The following GJC2 variants were observed in gnomAD, a reference collection of about 807,000 sequenced individuals.
GJC2 encodes gap junction gamma-2 protein.
For missense variants in GJC2, 647 were observed against 648.9 expected (o/e 1.00, Z 0.03); for synonymous variants, 336 against 307.5 (o/e 1.09, Z -0.97).
Position 228,157,740 on chromosome 1 carries a change from GAC to G in GJC2, c.-18_-17del. The G allele has an allele frequency of 2.6e-5, 17 of 662,258 alleles. No homozygotes were observed. Among genetic ancestry groups the G allele is most frequent in the Non-Finnish European group, 2.9e-5 (11 of 378,506 alleles). 41.0% of individuals were successfully genotyped at this position (662,258 alleles called of 1,614,324 possible). A position where few individuals can be genotyped will look rare whatever the true frequency, so the allele number is the denominator to read the frequency against. On this transcript the variant is annotated splice_region_variant and 5_prime_UTR_variant, in exon 2 of 2. Transcript: ENST00000366714. ...GGCTGACCCCTACCCCGCCCCACAG[GAC>G]CCGCCCGCCCGCCCCTATGACCAAC...
chr1:228,151,416 TG>T lies in GJC2; in HGVS notation c.-20+1413del, dbSNP rs745336373. 4.0e-5 allele frequency among the ~76,000 whole-genome samples: 6 copies of T among 151,802 alleles called. No individual in the cohort carries two copies. The highest frequency in any genetic ancestry group is 8.8e-5 in the Non-Finnish European group (6 of 67,914). On this transcript the variant is annotated intron_variant, in intron 1 of 1. Coordinates refer to ENST00000366714, the MANE Select transcript of GJC2 (RefSeq NM_020435.4). This position sits in a 1 kb window ranked among gnomAD's most constrained non-coding sequence, Gnocchi z 5.4. ...GGGAGCCACCATGTGGGCAGGCACT[TG>T]GGGTCTTGGTGGGGGCACCTTGCTT...
Position 228,150,199 on chromosome 1 carries a change from G to T in GJC2, c.-20+192G>T, listed in dbSNP as rs2034595456. 6.6e-6 allele frequency among the ~76,000 whole-genome samples: 1 copy of T among 152,178 alleles called. No individual in the cohort carries two copies. Among genetic ancestry groups the T allele is most frequent in the Non-Finnish European group, 1.5e-5 (1 of 68,018 alleles). On this transcript the variant is annotated intron_variant, in intron 1 of 1. Coordinates refer to ENST00000366714, the MANE Select transcript of GJC2 (RefSeq NM_020435.4). The surrounding 1 kb of genome is among the most constrained non-coding windows in gnomAD (Gnocchi z 4.6). ...TCCGCTGCTCCACGCAGATGGTGGG[G>T]TGGCCCCCCCACTCCATGTCTGTGT...
At position 228,159,114 on chromosome 1, in the gene GJC2, G is replaced by A; in HGVS notation, c.*36G>A. On this transcript the variant is annotated 3_prime_UTR_variant, in exon 2 of 2. Transcript: ENST00000366714. The surrounding 1 kb of genome is among the most constrained non-coding windows in gnomAD (Gnocchi z 4.0). ...TTGCGAGCTGGGCCAGGGAGGAGGA[G>A]GGTTGGGGGGCTCCGGTGGAAACCT... is the stretch of plus-strand genomic sequence containing the variant. The A allele has an allele frequency of 6.2e-7, 1 of 1,605,418 alleles. No homozygotes were observed. The highest frequency in any genetic ancestry group is 8.5e-7 in the Non-Finnish European group (1 of 1,175,978).
rs926484786 is a variant in GJC2 at position 228,158,145 on chromosome 1, G to A, written c.387G>A (p.Pro129=). The A allele has an allele frequency of 1.5e-6, 2 of 1,301,910 alleles. No homozygotes were observed. The highest frequency in any genetic ancestry group is 1.9e-6 in the Non-Finnish European group (2 of 1,027,504). The allele number at this position is 1,301,910 out of a possible 1,614,324, so 80.6% of individuals were successfully genotyped here. A position where few individuals can be genotyped will look rare whatever the true frequency, so the allele number is the denominator to read the frequency against. The change falls in exon 2 of 2, where the codon CCG becomes CCA. Residue 129 remains proline (P), a synonymous_variant. Coordinates refer to ENST00000366714, the MANE Select transcript of GJC2 (RefSeq NM_020435.4). This position sits in a 1 kb window ranked among gnomAD's most constrained non-coding sequence, Gnocchi z 8.3. ...GCCGCGCGCCCCGAGCGCACCTGCC[G>A]CCCCCGCACGCCGGCTGGCCTGAGC... ...GPRRAPRAHL[P]PPHAGWPEPA...
intron 1 of GJC2, among the ~76,000 whole-genome samples, chr1:228,155,792 G>A (rs954564803): frequency 6.6e-6 from 1 of 152,200 alleles, no homozygotes; most frequent in Admixed American, 6.5e-5. Flanking sequence ...AGCCAATGGC[G>A]CCGTTTCCTC....
In GJC2 at chr1:228,157,851, G is replaced by C. The variant is rs745874268; in HGVS notation, c.93G>C (p.Leu31=). 5.6e-6 allele frequency: 9 copies of C among 1,609,856 alleles called. No individual in the cohort carries two copies. The highest frequency in any genetic ancestry group is 2.2e-5 in the East Asian group (1 of 44,750). ...TGGGCAAGGTGTGGCTCACGGTGCT[G>C]GTGGTCTTCCGCATCGTGCTGACGG... ...TFVGKVWLTV[L]VVFRIVLTAV... The change falls in exon 2 of 2, where the codon CTG becomes CTC. Residue 31 remains leucine (L), a synonymous_variant. Coordinates refer to ENST00000366714, the MANE Select transcript of GJC2 (RefSeq NM_020435.4).
rs767131250 is a variant in GJC2, at chr1:228,157,788, G to A, written c.30G>A (p.Thr10=). 2.1e-6 allele frequency: 3 copies of A among 1,398,762 alleles called. No homozygotes were observed. Among genetic ancestry groups the A allele is most frequent in the Admixed American group, 4.6e-5 (2 of 43,320 alleles). 86.6% of individuals were successfully genotyped at this position (1,398,762 alleles called of 1,614,324 possible). A position where few individuals can be genotyped will look rare whatever the true frequency, so the allele number is the denominator to read the frequency against. ...CCAACATGAGCTGGAGCTTCCTGAC[G>A]CGGCTGCTGGAGGAGATCCACAACC... is the stretch of plus-strand genomic sequence containing the variant. MTNMSWSFL[T]RLLEEIHNHS... Residue 10 remains threonine, a synonymous_variant, in exon 2 of 2, where the codon ACG becomes ACA. Transcript: ENST00000366714.
intron 1 of GJC2, among the ~76,000 whole-genome samples, 163 bp from the exon 2 acceptor site, chr1:228,157,577 C>T (rs2034701403): frequency 6.6e-6 from 1 of 152,164 alleles, no homozygotes; most frequent in South Asian, 2.1e-4. Context: ...GAGCAGGGGC[C>T]GGATCAGGTG....
intron 1 of GJC2, among the ~76,000 whole-genome samples, chr1:228,154,863 C>T (rs1420576876): frequency 6.6e-6 from 1 of 152,242 alleles, no homozygotes; most frequent in African/African-American, 2.4e-5. Context: ...CCAGCCCCAG[C>T]CCTCGGGTCT....
At chr1:228,156,956 G>A (rs1407516771) in intron 1 of GJC2, among the ~76,000 whole-genome samples, 2 of 152,374 alleles carry the variant, frequency 1.3e-5, no homozygotes, top group Admixed American at 6.5e-5. Context: ...CCTCCTGGAC[G>A]GACGACTGGC....
rs2034594488 is a variant in GJC2 at position 228,150,166 on chromosome 1, T to C, written c.-20+159T>C. Among the ~76,000 whole-genome samples the C allele has an allele frequency of 6.6e-6, 1 of 152,074 alleles. No homozygotes were observed. The highest frequency in any genetic ancestry group is 1.5e-5 in the Non-Finnish European group (1 of 67,982). ...TGCACTCCTTGCGCCTGCCACCCCCTCCTGGGCTCCGCTGCTCCACGCAGA... is the reference window on the plus strand; with the variant it reads ...TGCACTCCTTGCGCCTGCCACCCCCCCCTGGGCTCCGCTGCTCCACGCAGA... On this transcript the variant is annotated intron_variant, in intron 1 of 1. Coordinates refer to ENST00000366714, the MANE Select transcript of GJC2 (RefSeq NM_020435.4). The surrounding 1 kb of genome is among the most constrained non-coding windows in gnomAD (Gnocchi z 4.6).
chr1:228,154,689 G>C (rs2034659467), intron 1 of GJC2, among the ~76,000 whole-genome samples: 1 of 152,220 alleles, frequency 6.6e-6, no homozygotes, highest in Non-Finnish European at 1.5e-5. Context: ...ACGTACTTTG[G>C]CTTCTAATCT....
Position 228,159,208 on chromosome 1 carries a change from A to G in GJC2, c.*130A>G. On this transcript the variant is annotated 3_prime_UTR_variant, in exon 2 of 2. Coordinates refer to ENST00000366714, the MANE Select transcript of GJC2 (RefSeq NM_020435.4). The surrounding 1 kb of genome is among the most constrained non-coding windows in gnomAD (Gnocchi z 4.0). The stretch of plus-strand genomic sequence containing the variant: ...GCAGACTCTGCCCAGAGGGGCAGCC[A>G]GGCTGCTCAGGGAAGGGGCTGAAAG... 2.8e-6 allele frequency: 3 copies of G among 1,089,532 alleles called. No homozygotes were observed. Among genetic ancestry groups the G allele is most frequent in the Non-Finnish European group, 4.0e-6 (3 of 752,244 alleles). The allele number at this position is 1,089,532 out of a possible 1,614,324, so 67.5% of individuals were successfully genotyped here.
intron 1 of GJC2, among the ~76,000 whole-genome samples, chr1:228,156,002 G>T (rs2034673716): frequency 6.6e-6 from 1 of 152,234 alleles, no homozygotes. Context: ...TCAGGTTCCT[G>T]TCGGGCTGGA....
Position 228,158,799 on chromosome 1 carries a change from C to A in GJC2, c.1041C>A (p.Asp347Glu). 2 of 1,445,220 alleles carry A rather than the reference C, an allele frequency of 1.4e-6. No homozygotes were observed. The allele number at this position is 1,445,220 out of a possible 1,614,324, so 89.5% of individuals were successfully genotyped here. A position where few individuals can be genotyped will look rare whatever the true frequency, so the allele number is the denominator to read the frequency against. Residue 347 changes from aspartate to glutamate, a missense_variant, in exon 2 of 2, where the codon GAC (aspartate) becomes GAA (glutamate). Transcript: ENST00000366714. This position sits in a 1 kb window ranked among gnomAD's most constrained non-coding sequence, Gnocchi z 8.3. Reference protein sequence around the residue: ...VRAAERARAHDQNLANLALQA... With the variant: ...VRAAERARAHEQNLANLALQA... ...CGGCCGAGCGCGCTCGGGCGCATGA[C>A]CAGAACCTGGCAAACCTGGCCCTGC...
At position 228,158,530 on chromosome 1, in the gene GJC2, G is replaced by C. The variant is rs2034721044; in HGVS notation, c.772G>C (p.Val258Leu). The C allele has an allele frequency of 1.9e-6, 3 of 1,612,912 alleles. No individual in the cohort carries two copies. The highest frequency in any genetic ancestry group is 1.3e-5 in the African/African-American group (1 of 74,898). ...QPCPHVVDCF[V>L]SRPTEKTVFL... ...CTGCCCGCACGTGGTGGACTGCTTC[G>C]TGTCGCGCCCTACTGAAAAGACGGT... Residue 258 changes from valine (V) to leucine (L), a missense_variant, in exon 2 of 2, where the codon GTG becomes CTG. Coordinates refer to ENST00000366714, the MANE Select transcript of GJC2 (RefSeq NM_020435.4). This position sits in a 1 kb window ranked among gnomAD's most constrained non-coding sequence, Gnocchi z 8.3.
rs1224723092 is a variant in GJC2, at chr1:228,159,180, C to G, written c.*102C>G. 1.5e-6 allele frequency: 2 copies of G among 1,353,634 alleles called. No homozygotes were observed. Among genetic ancestry groups the G allele is most frequent in the Admixed American group, 1.9e-5 (1 of 53,194 alleles). The allele number at this position is 1,353,634 out of a possible 1,614,324, so 83.9% of individuals were successfully genotyped here. A position where few individuals can be genotyped will look rare whatever the true frequency, so the allele number is the denominator to read the frequency against. On this transcript the variant is annotated 3_prime_UTR_variant, in exon 2 of 2. Transcript: ENST00000366714. This position sits in a 1 kb window ranked among gnomAD's most constrained non-coding sequence, Gnocchi z 4.0. ...CAGCCTTCTCCTTAGCCGGTGGCCT[C>G]AGGCAGACTCTGCCCAGAGGGGCAG...
intron 1 of GJC2, among the ~76,000 whole-genome samples, chr1:228,153,138 C>T (rs2034640075): frequency 6.6e-6 from 1 of 152,120 alleles, no homozygotes; most frequent in South Asian, 2.1e-4. Flanking sequence ...CTGACAGCCT[C>T]ATCCTGCAGC....
chr1:228,157,451 C>T (rs1350797230), intron 1 of GJC2, among the ~76,000 whole-genome samples: 1 of 152,128 alleles, frequency 6.6e-6, no homozygotes, highest in Non-Finnish European at 1.5e-5. Context: ...GGTTGGTGGC[C>T]ATGGGTGCAG....
Sources: allele counts gnomAD v4.1 joint callset (sites outside exome capture counted in the v4.1 genomes callset), GRCh38; gene constraint gnomAD v4.1.1; non-coding constraint Gnocchi (gnomAD v3.1); transcripts MANE v1.5; gene names NCBI Gene and HGNC (gene_info 2026-07-23, HGNC 2026-07-21).